The following TRPC6 variants were observed in gnomAD, a reference collection of about 807,000 sequenced individuals.
TRPC6 encodes the protein short transient receptor potential channel 6.
Under a neutral mutation model 90.7 loss-of-function variants are expected in TRPC6, and 55 were observed. That is an observed-to-expected ratio of 0.61 (90% CI 0.49 to 0.76). The LOEUF (loss-of-function observed/expected upper bound fraction) is 0.76, where lower values mean the gene tolerates loss of function less well. TRPC6 is among the 30% of genes least tolerant of loss of function. The pLI is 0.00. For missense variants in TRPC6, 989 were observed against 1,122.7 expected, an observed-to-expected ratio of 0.88 and a Z score of 1.70; for synonymous variants, 393 against 393.0, an observed-to-expected ratio of 1.00 and a Z score of 0.00.
At chr11:101,559,101 T>C (rs888774001) in intron 1 of TRPC6, among the ~76,000 whole-genome samples, 2 of 152,002 alleles carry the variant, frequency 1.3e-5, no homozygotes, top group African/African-American at 4.8e-5. Context: ...GGAGAAATAT[T>C]TGCAAGCCAT....
chr11:101,488,374 G>A (rs996776476), intron 4 of TRPC6, among the ~76,000 whole-genome samples: 9 of 152,158 alleles, frequency 5.9e-5, no homozygotes, highest in African/African-American at 1.7e-4. Context: ...TCAGGTTCTG[G>A]TGTACTTAGT....
chr11:101,581,658 A>G (rs746410391), intron 1 of TRPC6, among the ~76,000 whole-genome samples: 1 of 152,254 alleles, frequency 6.6e-6, no homozygotes, highest in Non-Finnish European at 1.5e-5. Flanking sequence ...TCTTAAACTT[A>G]CACCTTCAAA....
At position 101,452,871 on chromosome 11, in the gene TRPC6, C is replaced by A; in HGVS notation, c.*84G>T. The A allele has an allele frequency of 6.6e-7, 1 of 1,508,770 alleles. No homozygotes were observed. The highest frequency in any genetic ancestry group is 9.2e-7 in the Non-Finnish European group (1 of 1,090,176). 93.5% of individuals were successfully genotyped at this position (1,508,770 alleles called of 1,614,324 possible). Reference sequence around the variant, plus strand: ...ACGTTTTCTTGTTTAAAAGGTGGGCCCATTGGCACTTAAGAAAATAAATCA... The same window carrying A: ...ACGTTTTCTTGTTTAAAAGGTGGGCACATTGGCACTTAAGAAAATAAATCA... On this transcript the variant is annotated 3_prime_UTR_variant, in exon 13 of 13. Coordinates refer to ENST00000344327, the MANE Select transcript of TRPC6 (RefSeq NM_004621.6).
At chr11:101,556,415 A>C (rs1591134214) in intron 1 of TRPC6, among the ~76,000 whole-genome samples, 1 of 152,174 alleles carries the variant, frequency 6.6e-6, no homozygotes, top group Non-Finnish European at 1.5e-5. Context: ...AGCTCATGAG[A>C]GATTACTAGA....
chr11:101,577,720 A>C (rs1862101448), intron 1 of TRPC6, among the ~76,000 whole-genome samples: 1 of 152,096 alleles, frequency 6.6e-6, no homozygotes, highest in African/African-American at 2.4e-5. Context: ...TCCATAAATG[A>C]GCTGGAAGAG....
intron 1 of TRPC6, among the ~76,000 whole-genome samples, chr11:101,528,156 T>C (rs1860824993): frequency 1.3e-5 from 2 of 152,178 alleles, no homozygotes; most frequent in Non-Finnish European, 2.9e-5. Flanking sequence ...TATGAATAAA[T>C]AAATCTATGT....
At chr11:101,491,193 T>C (rs751481950) in intron 3 of TRPC6, among the ~76,000 whole-genome samples, 1 of 152,118 alleles carries the variant, frequency 6.6e-6, no homozygotes, top group Admixed American at 6.6e-5. Context: ...ACGCCTGCAA[T>C]CCCAGCACTT....
chr11:101,507,626 C>T (rs1235324122), intron 1 of TRPC6, among the ~76,000 whole-genome samples: 2 of 152,036 alleles, frequency 1.3e-5, no homozygotes, highest in African/African-American at 4.8e-5. Context: ...GATAGTTTGG[C>T]TGGGTAGAGA....
In TRPC6 at chr11:101,491,332, G is replaced by T. The variant is rs59377709; in HGVS notation, c.1128+224C>A. 38,747 of 416,560 alleles carry T rather than the reference G, an allele frequency of 0.093. 2,506 individuals are homozygous for T. Among genetic ancestry groups the T allele is most frequent in the African/African-American group, 0.23 (11,026 of 48,218 alleles). 25.8% of individuals were successfully genotyped at this position (416,560 alleles called of 1,614,324 possible). On this transcript the variant is annotated intron_variant, in intron 3 of 12. Transcript: ENST00000344327. ...GCCTGTAGTCCCAGCTACTTGGGAG[G>T]CTGAGGCAGGAGAATGGCCTGAACC...
Position 101,472,206 on chromosome 11 carries a change from A to T in TRPC6, c.2136T>A (p.Asn712Lys). The change falls in exon 8 of 13, where the codon AAT becomes AAA. Residue 712 changes from asparagine (N) to lysine (K), a missense_variant. This residue lies in a region of TRPC6 where 118 missense variants were observed against 197.6 expected (regional missense o/e 0.60). Coordinates refer to ENST00000344327, the MANE Select transcript of TRPC6 (RefSeq NM_004621.6). ...NIGYVLYGVYNVTMVIVLLNM... is the reference protein window; with the variant it reads ...NIGYVLYGVYKVTMVIVLLNM... ...TTAGCAAAACAATGACCATCGTAAC[A>T]TTATAGACTCCATAAAGAACGTAAC... The T allele has an allele frequency of 6.2e-7, 1 of 1,613,132 alleles. No individual in the cohort carries two copies. Among genetic ancestry groups the T allele is most frequent in the Non-Finnish European group, 8.5e-7 (1 of 1,179,510 alleles).
At chr11:101,466,422 G>A (rs568319966) in intron 10 of TRPC6, among the ~76,000 whole-genome samples, 5 of 152,350 alleles carry the variant, frequency 3.3e-5, no homozygotes, top group African/African-American at 1.2e-4. Context: ...GGAGAAATCT[G>A]GCAGTCTGGC....
At chr11:101,491,333 C>G (rs1018198149) in intron 3 of TRPC6, 22 of 420,330 alleles carry the variant, frequency 5.2e-5, no homozygotes, top group Non-Finnish European at 7.8e-5. Flanking sequence ...ACTTGGGAGG[C>G]TGAGGCAGGA....
At chr11:101,472,583 G>T (rs1200832725) in intron 7 of TRPC6, among the ~76,000 whole-genome samples, 1 of 152,076 alleles carries the variant, frequency 6.6e-6, no homozygotes, top group African/African-American at 2.4e-5. Flanking sequence ...CTCAATAAAT[G>T]CTATTAACAT....
At chr11:101,497,179 C>T (rs185091354) in intron 2 of TRPC6, among the ~76,000 whole-genome samples, 8 of 152,336 alleles carry the variant, frequency 5.3e-5, no homozygotes, top group Non-Finnish European at 1.0e-4. Flanking sequence ...CCTAATTTCA[C>T]GTCATTATGG....
At chr11:101,472,359 A>C (rs763480891) in intron 7 of TRPC6, 27 bp from the exon 8 acceptor site, 2 of 1,598,390 alleles carry the variant, frequency 1.3e-6, no homozygotes, top group Non-Finnish European at 1.7e-6. Flanking sequence ...AGAAGAAAAG[A>C]AATAAGAAAG....
chr11:101,580,189 T>G (rs940155001), intron 1 of TRPC6, among the ~76,000 whole-genome samples: 1 of 152,122 alleles, frequency 6.6e-6, no homozygotes, highest in Non-Finnish European at 1.5e-5. Context: ...GACTGTGTTT[T>G]CAGATCCTGA....
intron 6 of TRPC6, 97 bp from the exon 7 acceptor site, chr11:101,473,870 T>C (rs946699755): frequency 1.0e-5 from 16 of 1,569,342 alleles, no homozygotes; most frequent in Middle Eastern, 2.3e-4. Flanking sequence ...TATGTTAGAA[T>C]CCGGTTTTCG....
chr11:101,540,341 G>T (rs1861140482), intron 1 of TRPC6, among the ~76,000 whole-genome samples: 1 of 152,174 alleles, frequency 6.6e-6, no homozygotes, highest in Non-Finnish European at 1.5e-5. Flanking sequence ...CTCAGAGCAG[G>T]ACATTAAATT....
chr11:101,479,047 C>T (rs1859484876), intron 5 of TRPC6, among the ~76,000 whole-genome samples: 1 of 152,136 alleles, frequency 6.6e-6, no homozygotes, highest in Non-Finnish European at 1.5e-5. Context: ...ATAAACAAGC[C>T]TCAGATTCCA....
Sources: allele counts gnomAD v4.1 joint callset (sites outside exome capture counted in the v4.1 genomes callset), GRCh38; gene constraint gnomAD v4.1.1; regional missense constraint gnomAD v4.1.1; transcripts MANE v1.5; gene names NCBI Gene and HGNC (gene_info 2026-07-23, HGNC 2026-07-21).